The following GIGYF1 variants were observed in gnomAD, a reference collection of about 807,000 sequenced individuals.
GIGYF1 encodes GRB10 interacting GYF protein 1.
GIGYF1 carries 84 observed loss-of-function variants against 147.1 expected under a neutral mutation model. The ratio of observed to expected loss-of-function variants is 0.57; its 90% CI spans 0.48 to 0.68. GIGYF1 has a LOEUF of 0.68. Among genes scored for constraint, GIGYF1 ranks in the 30% least tolerant of loss-of-function variants. GIGYF1 has a pLI of 0.00. For synonymous variants in GIGYF1, 752 were observed against 589.5 expected (o/e 1.28, Z -3.99); for missense variants, 1,485 against 1,393.7 (o/e 1.07, Z -1.04).
Position 100,687,772 on chromosome 7 carries a change from C to T in GIGYF1, c.261+16G>A. 4 of 1,610,798 alleles carry T rather than the reference C, an allele frequency of 2.5e-6. No individual in the cohort carries two copies. Among genetic ancestry groups the T allele is most frequent in the Non-Finnish European group, 3.4e-6 (4 of 1,179,370 alleles). Reference sequence around the variant, plus strand: ...CTCCCAGGCTCCCGCAGCCTCAGCTCCTGGCCCGGTCCCACCTGTTCCTCC... The same window carrying T: ...CTCCCAGGCTCCCGCAGCCTCAGCTTCTGGCCCGGTCCCACCTGTTCCTCC... On this transcript the variant is annotated intron_variant, in intron 6 of 26. Coordinates refer to ENST00000678049, the MANE Select transcript of GIGYF1 (RefSeq NM_001375765.1).
rs1019609332 is a variant in GIGYF1 at position 100,686,670 on chromosome 7, G to T, written c.673C>A (p.Arg225Ser). Residue 225 changes from arginine to serine, a missense_variant, in exon 10 of 27, where the codon CGC (arginine) becomes AGC (serine). Physicochemically the swap from Arg to Ser is moderately radical, Grantham distance 110. Coordinates refer to ENST00000678049, the MANE Select transcript of GIGYF1 (RefSeq NM_001375765.1). Reference protein sequence around the residue: ...LGAGPRRDGDRWRSASPDGGP... With the variant: ...LGAGPRRDGDSWRSASPDGGP... ...TCACCAGGGCTGGCGGAGCGCCAGC[G>T]GTCGCCGTCTCGCCGGGGCCCTGCT... 1.2e-6 allele frequency: 2 copies of T among 1,612,188 alleles called. No individual in the cohort carries two copies. Among genetic ancestry groups the T allele is most frequent in the African/African-American group, 1.3e-5 (1 of 74,868 alleles).
At position 100,683,287 on chromosome 7, in the gene GIGYF1, G is replaced by GGCTT; in HGVS notation, c.2193+13_2193+16dup. The GGCTT allele has an allele frequency of 6.2e-7, 1 of 1,613,724 alleles. No individual in the cohort carries two copies. Among genetic ancestry groups the GGCTT allele is most frequent in the African/African-American group, 1.3e-5 (1 of 75,072 alleles). On this transcript the variant is annotated intron_variant, in intron 21 of 26. Transcript: ENST00000678049. ...GAGGGTTGTCCACCCAGCCAGCTGA[G>GGCTT]GCTTGGGAGCACCCACGTGCTTGCG...
chr7:100,682,544 C>T (rs753868712), intron 23 of GIGYF1, 46 bp downstream of exon 23: 2 of 1,594,530 alleles, frequency 1.3e-6, no homozygotes, highest in South Asian at 2.2e-5. Context: ...GGGTCTGCCA[C>T]CTTCCCCCTC....
Position 100,683,045 on chromosome 7 carries a change from C to T in GIGYF1, c.2379G>A (p.Glu793=), listed in dbSNP as rs1473111457. Residue 793 remains glutamate (E), a synonymous_variant, in exon 22 of 27, where the codon GAG becomes GAA. Coordinates refer to ENST00000678049, the MANE Select transcript of GIGYF1 (RefSeq NM_001375765.1). ...GGTTGGGGGCCTGGGCCCGAGCTGG[C>T]TCCCGAGGTGGGGGCTGTTTGTGCA... is the stretch of plus-strand genomic sequence containing the variant. The part of the protein sequence containing the change: ...RQLHKQPPPR[E]PARAQAPNHR... The T allele has an allele frequency of 6.4e-7, 1 of 1,564,114 alleles. No homozygotes were observed. The highest frequency in any genetic ancestry group is 1.8e-5 in the Admixed American group (1 of 55,524).
chr7:100,692,208 C>G (rs565996655), intron 1 of GIGYF1, among the ~76,000 whole-genome samples: 1 of 152,338 alleles, frequency 6.6e-6, no homozygotes, highest in East Asian at 1.9e-4. Flanking sequence ...AGATGCAAAC[C>G]CGCATTCTTC....
At position 100,686,199 on chromosome 7, in the gene GIGYF1, C is replaced by T; in HGVS notation, c.929G>A (p.Gly310Glu). The T allele has an allele frequency of 6.2e-7, 1 of 1,612,436 alleles. No individual in the cohort carries two copies. The highest frequency in any genetic ancestry group is 8.5e-7 in the Non-Finnish European group (1 of 1,179,126). ...AGATACCTTGAGAGGCAAGAAGGCC[C>T]CAGAGGCATCAAAGGTGCCCATTTC... Reference protein sequence around the residue: ...DEEMGTFDASGAFLPLKKGPK... With the variant: ...DEEMGTFDASEAFLPLKKGPK... The change falls in exon 11 of 27, where the codon GGG becomes GAG. Residue 310 changes from glycine (G) to glutamate (E), a missense_variant. Coordinates refer to ENST00000678049, the MANE Select transcript of GIGYF1 (RefSeq NM_001375765.1).
chr7:100,687,091 CT>C, intron 8 of GIGYF1, 45 bp from the exon 9 acceptor site: 2 of 1,612,632 alleles, frequency 1.2e-6, no homozygotes, highest in Non-Finnish European at 1.7e-6. Context: ...ACAGCCTCCC[CT>C]GCCACCCTGT....
Position 100,682,596 on chromosome 7 carries a change from G to T in GIGYF1, c.2594C>A (p.Ser865Tyr). 1 of 1,597,312 alleles carries T rather than the reference G, an allele frequency of 6.3e-7. No homozygotes were observed. The highest frequency in any genetic ancestry group is 8.5e-7 in the Non-Finnish European group (1 of 1,175,178). ...CTCCAGGTGCCACGCCCACCTGAGA[G>T]ATGGGCTGCTCCGGCTGTTCTTCAG... ...LGLKNSRSSP[S>Y]LSDSYSHLSG... The change falls in exon 23 of 27, where the codon TCT (serine) becomes TAT (tyrosine). Residue 865 changes from serine (S) to tyrosine (Y), a missense_variant. Ser to Tyr is a moderately radical substitution (Grantham distance 144). Coordinates refer to ENST00000678049, the MANE Select transcript of GIGYF1 (RefSeq NM_001375765.1).
chr7:100,683,977 C>A (rs371794648), intron 18 of GIGYF1, 43 bp downstream of exon 18: 6 of 1,572,688 alleles, frequency 3.8e-6, no homozygotes, highest in South Asian at 3.5e-5. Context: ...TGCCCCCATC[C>A]CCCCCCCACC....
Position 100,686,280 on chromosome 7 carries a change from C to T in GIGYF1, c.848G>A (p.Gly283Asp). ...SHLRRCRAPE[G>D]FEEDKDGLPE... ...GAGCCCATCCTTGTCCTCCTCAAAG[C>T]CTTCAGGCGCTCGGCACCGCCGCAG... Residue 283 changes from glycine (G) to aspartate (D), a missense_variant, in exon 11 of 27, where the codon GGC becomes GAC. Transcript: ENST00000678049. 6.2e-7 allele frequency: 1 copy of T among 1,614,112 alleles called. No individual in the cohort carries two copies. The highest frequency in any genetic ancestry group is 1.1e-5 in the South Asian group (1 of 91,088).
At position 100,683,036 on chromosome 7, in the gene GIGYF1, C is replaced by T. The variant is rs1268079334; in HGVS notation, c.2388G>A (p.Arg796=). The change falls in exon 22 of 27, where the codon CGG becomes CGA. Residue 796 remains arginine, a synonymous_variant. Transcript: ENST00000678049. ...CCACTCGGTGGTTGGGGGCCTGGGC[C>T]CGAGCTGGCTCCCGAGGTGGGGGCT... The part of the protein sequence containing the change: ...HKQPPPREPA[R]AQAPNHRVQL... 1 of 1,551,390 alleles carries T rather than the reference C, an allele frequency of 6.4e-7. No homozygotes were observed. The highest frequency in any genetic ancestry group is 8.7e-7 in the Non-Finnish European group (1 of 1,153,918).
At chr7:100,684,969 T>G (rs200243856) in intron 14 of GIGYF1, 75 bp from the exon 15 acceptor site, 2 of 1,557,766 alleles carry the variant, frequency 1.3e-6, no homozygotes, top group African/African-American at 3.5e-5. Flanking sequence ...GGATGGAGCT[T>G]GAGCTGGGGC....
intron 12 of GIGYF1, 53 bp from the exon 13 acceptor site, chr7:100,685,534 G>C (rs572928987): frequency 2.5e-6 from 4 of 1,575,032 alleles, no homozygotes; most frequent in Middle Eastern, 4.1e-4. Context: ...CCTGCCACGC[G>C]AGTTAGCACA....
Position 100,684,113 on chromosome 7 carries a change from C to T in GIGYF1, c.1775G>A (p.Gly592Glu). 1 of 1,608,212 alleles carries T rather than the reference C, an allele frequency of 6.2e-7. No individual in the cohort carries two copies. ...QCALREKAALGDLTPPPPPPP... is the reference protein window; with the variant it reads ...QCALREKAALEDLTPPPPPPP... The stretch of plus-strand genomic sequence containing the variant: ...CGGCGGTGGTGGCGGTGTCAGGTCC[C>T]CCAGAGCTGCCTTTTCTCGGAGCGC... The change falls in exon 18 of 27, where the codon GGG (glycine) becomes GAG (glutamate). Residue 592 changes from glycine (G) to glutamate (E), a missense_variant. Coordinates refer to ENST00000678049, the MANE Select transcript of GIGYF1 (RefSeq NM_001375765.1).
chr7:100,686,958 T>C (rs1324268651), intron 9 of GIGYF1, 48 bp downstream of exon 9: 1 of 1,610,594 alleles, frequency 6.2e-7, no homozygotes, highest in Non-Finnish European at 8.5e-7. Flanking sequence ...GGGCCACCCA[T>C]CTTGGTCCTC....
In GIGYF1 at chr7:100,688,636, G is replaced by C. The variant is rs1805598190; in HGVS notation, c.-179C>G. 1 of 448,406 alleles carries C rather than the reference G, an allele frequency of 2.2e-6. No individual in the cohort carries two copies. Among genetic ancestry groups the C allele is most frequent in the South Asian group, 1.7e-5 (1 of 57,954 alleles). 27.8% of individuals were successfully genotyped at this position (448,406 alleles called of 1,614,324 possible). On this transcript the variant is annotated 5_prime_UTR_variant, in exon 2 of 27. Transcript: ENST00000678049. Reference sequence around the variant, plus strand: ...AGAAGGAGGGCAGGGGCTGGTGCTGGAGTGAACGAGGGTACCCAAGCCACT... The same window carrying C: ...AGAAGGAGGGCAGGGGCTGGTGCTGCAGTGAACGAGGGTACCCAAGCCACT...
chr7:100,687,555 C>T lies in GIGYF1; in HGVS notation c.323G>A (p.Gly108Asp). 1.2e-6 allele frequency: 2 copies of T among 1,612,524 alleles called. No homozygotes were observed. The highest frequency in any genetic ancestry group is 8.5e-7 in the Non-Finnish European group (1 of 1,179,770). The change falls in exon 7 of 27, where the codon GGC (glycine) becomes GAC (aspartate). Residue 108 changes from glycine to aspartate, a missense_variant. Gly to Asp is a moderately conservative substitution (Grantham distance 94). Coordinates refer to ENST00000678049, the MANE Select transcript of GIGYF1 (RefSeq NM_001375765.1). Reference protein sequence around the residue: ...AVLRLMGKGAGPPLAGTSRGR... With the variant: ...AVLRLMGKGADPPLAGTSRGR... Reference sequence around the variant, plus strand: ...TCGGGAGGTGCCAGCCAGGGGGGGGCCAGCCCCTTTCCCCATCAGCCTCAG... The same window carrying T: ...TCGGGAGGTGCCAGCCAGGGGGGGGTCAGCCCCTTTCCCCATCAGCCTCAG...
chr7:100,682,748 C>T lies in GIGYF1; in HGVS notation c.2442G>A (p.Leu814=). The T allele has an allele frequency of 6.5e-7, 1 of 1,540,552 alleles. No homozygotes were observed. Among genetic ancestry groups the T allele is most frequent in the Non-Finnish European group, 8.7e-7 (1 of 1,145,684 alleles). ...GCCCAGCCTCAGACACCCACTGGTT[C>T]AGGGGGGCAGTGCCCAGGCCCCCAA... ...VQLGGLGTAP[L]NQWVSEAGPL... is the part of the protein sequence containing the mutation. Residue 814 remains leucine, a synonymous_variant, in exon 23 of 27, where the codon CTG becomes CTA. Coordinates refer to ENST00000678049, the MANE Select transcript of GIGYF1 (RefSeq NM_001375765.1).
intron 1 of GIGYF1, among the ~76,000 whole-genome samples, 188 bp from the exon 2 acceptor site, chr7:100,689,743 C>T (rs573827912): frequency 7.9e-5 from 12 of 152,302 alleles, no homozygotes; most frequent in Admixed American, 4.6e-4. Flanking sequence ...TCCTCTGCCT[C>T]GGCTGGATGC....
Sources: gnomAD v4.1 joint callset for allele counts (sites outside exome capture counted in the v4.1 genomes callset) on GRCh38, gnomAD v4.1.1 for gene constraint, MANE v1.5 for transcripts, NCBI Gene and HGNC (gene_info 2026-07-23, HGNC 2026-07-21) for gene names.